The following SYNE1 variants were observed in gnomAD, a reference collection of about 807,000 sequenced individuals.
The protein encoded by SYNE1 is nesprin-1.
Under a neutral mutation model 1,111.0 loss-of-function variants are expected in SYNE1, and 616 were observed. The observed-to-expected ratio is 0.55, with a 90% CI of 0.52 to 0.59. The LOEUF (loss-of-function observed/expected upper bound fraction) is 0.59, where lower values mean the gene tolerates loss of function less well. Among genes scored for constraint, SYNE1 ranks in the 20% least tolerant of loss-of-function variants. The probability of loss-of-function intolerance (pLI) is 0.00; values close to 1 mark genes in which losing one functional copy is unlikely to be tolerated. For synonymous variants in SYNE1, 3,855 were observed against 3,825.8 expected (o/e 1.01, Z -0.28); for missense variants, 10,006 against 10,417.0 (o/e 0.96, Z 1.72).
chr6:152,526,828 G>C (rs866307078), intron 4 of SYNE1, among the ~76,000 whole-genome samples: 5 of 152,168 alleles, frequency 3.3e-5, no homozygotes, highest in South Asian at 2.1e-4. Context: ...AGACCGATCA[G>C]TGCAAATCTA....
chr6:152,445,401 G>T (rs1312176573), intron 29 of SYNE1, among the ~76,000 whole-genome samples: 2 of 151,890 alleles, frequency 1.3e-5, no homozygotes, highest in Non-Finnish European at 1.5e-5. Context: ...GAATTTTCTT[G>T]TCTAATTTCT....
intron 116 of SYNE1, among the ~76,000 whole-genome samples, chr6:152,224,937 A>G (rs1245463568): frequency 4.1e-5 from 6 of 147,476 alleles, no homozygotes; most frequent in African/African-American, 1.5e-4. Context: ...ACATATATAC[A>G]TATGTATACA....
chr6:152,471,583 C>A lies in SYNE1; in HGVS notation c.1632+14G>T. 1 of 1,613,330 alleles carries A rather than the reference C, an allele frequency of 6.2e-7. No homozygotes were observed. Among genetic ancestry groups the A allele is most frequent in the Non-Finnish European group, 8.5e-7 (1 of 1,179,376 alleles). On this transcript the variant is annotated intron_variant, in intron 16 of 145. Coordinates refer to ENST00000367255, the MANE Select transcript of SYNE1 (RefSeq NM_182961.4). ...GGCTCATAGGAATTCTCTGTCAAAG[C>A]ACGGGGGACTCACCACGTAGTTTTG...
At chr6:152,507,298 C>A (rs1265628616) in intron 8 of SYNE1, among the ~76,000 whole-genome samples, 1 of 152,096 alleles carries the variant, frequency 6.6e-6, no homozygotes, top group African/African-American at 2.4e-5. Context: ...AATAAATATT[C>A]ACCATGTAAT....
Position 152,206,162 on chromosome 6 carries a change from A to T in SYNE1, c.23019+6T>A. The stretch of plus-strand genomic sequence containing the variant: ...TTTTGGTTCGTTTTTTTCTAACTGA[A>T]CTTACTTTCAACAAGAAGGCTAGTT... On this transcript the variant is annotated splice_donor_region_variant and intron_variant, in intron 126 of 145. Transcript: ENST00000367255. 1.2e-6 allele frequency: 2 copies of T among 1,613,152 alleles called. No homozygotes were observed. The highest frequency in any genetic ancestry group is 1.7e-6 in the Non-Finnish European group (2 of 1,179,976).
At chr6:152,126,016 AT>A (rs1474137660) in intron 145 of SYNE1, 4 of 152,320 alleles carry the variant, frequency 2.6e-5, no homozygotes, top group Admixed American at 6.5e-5. Flanking sequence ...CATTTACAGA[AT>A]GTGGACTCCT....
intron 123 of SYNE1, 78 bp downstream of exon 123, chr6:152,213,534 C>T: frequency 6.6e-7 from 1 of 1,512,216 alleles, no homozygotes. Context: ...GATTTTAATT[C>T]TCCCACACAG....
rs367972414 is a variant in SYNE1, at chr6:152,136,825, A to C, written c.25459-7T>G. ...CCACAGCTTTCTGGAGCTCCTGAAA[A>C]GAACAAAAAAGACAATCAAACAAGG... On this transcript the variant is annotated splice_polypyrimidine_tract_variant and splice_region_variant and intron_variant, in intron 140 of 145. Coordinates refer to ENST00000367255, the MANE Select transcript of SYNE1 (RefSeq NM_182961.4). 6.8e-6 allele frequency: 11 copies of C among 1,613,766 alleles called. No individual in the cohort carries two copies. The African/African-American group carries it at 1.3e-4, about 20-fold the overall frequency.
At chr6:152,577,363 T>C (rs1250427046) in intron 3 of SYNE1, among the ~76,000 whole-genome samples, 2 of 152,186 alleles carry the variant, frequency 1.3e-5, no homozygotes, top group African/African-American at 4.8e-5. Flanking sequence ...CTGGGCGCGG[T>C]GGCTCGCACC....
At chr6:152,163,946 C>T (rs1234952695) in intron 131 of SYNE1, among the ~76,000 whole-genome samples, 1 of 152,150 alleles carries the variant, frequency 6.6e-6, no homozygotes, top group Non-Finnish European at 1.5e-5. Context: ...ACTAACTGTA[C>T]AATGGCACAA....
At chr6:152,149,280 T>C (rs185513280) in intron 136 of SYNE1, among the ~76,000 whole-genome samples, 197 bp downstream of exon 136, 10 of 152,286 alleles carry the variant, frequency 6.6e-5, no homozygotes, top group Admixed American at 5.2e-4. Context: ...ACTTTCACTT[T>C]TGAGGAAGCT....
In SYNE1 at chr6:152,301,956, C is replaced by T. The variant is rs745941818; in HGVS notation, c.17454G>A (p.Val5818=). The part of the protein sequence containing the change: ...KAKHATMLLT[V]TEVEGLAEGT... ...CTTCCGCCAGCCCCTCGACCTCGGT[C>T]ACCGTCAGCAGCATGGTGGCGTGCT... Residue 5818 remains valine, a synonymous_variant, in exon 92 of 146, where the codon GTG becomes GTA. Transcript: ENST00000367255. 3 of 1,614,252 alleles carry T rather than the reference C, an allele frequency of 1.9e-6. No individual in the cohort carries two copies. In the South Asian group the frequency reaches 3.3e-5, roughly 18 times the overall value.
At chr6:152,366,047 G>C (rs1191598062) in intron 62 of SYNE1, among the ~76,000 whole-genome samples, 1 of 152,040 alleles carries the variant, frequency 6.6e-6, no homozygotes, top group East Asian at 1.9e-4. Flanking sequence ...TAAAAACTTG[G>C]TTTTGCCCGG....
chr6:152,342,580 A>G (rs1416705321), intron 74 of SYNE1, among the ~76,000 whole-genome samples: 1 of 152,224 alleles, frequency 6.6e-6, no homozygotes, highest in African/African-American at 2.4e-5. Context: ...CACATTCTTT[A>G]TGTGGACTCA....
At chr6:152,565,067 T>C (rs1201242081) in intron 3 of SYNE1, among the ~76,000 whole-genome samples, 2 of 152,200 alleles carry the variant, frequency 1.3e-5, no homozygotes, top group Non-Finnish European at 2.9e-5. Context: ...CTTAAGGGAA[T>C]AGAACAGACC....
At chr6:152,424,925 T>C (rs890325977) in intron 39 of SYNE1, among the ~76,000 whole-genome samples, 1 of 152,242 alleles carries the variant, frequency 6.6e-6, no homozygotes, top group Non-Finnish European at 1.5e-5. Flanking sequence ...ACCTAGTTAA[T>C]TAAGATTTAA....
intron 3 of SYNE1, among the ~76,000 whole-genome samples, chr6:152,625,617 C>T (rs1243767324): frequency 6.6e-6 from 1 of 151,964 alleles, no homozygotes; most frequent in Non-Finnish European, 1.5e-5. Flanking sequence ...TGTCAGGTAC[C>T]CTTATGCCAC....
chr6:152,317,292 C>A (rs1243917399), intron 86 of SYNE1, among the ~76,000 whole-genome samples: 1 of 147,646 alleles, frequency 6.8e-6, no homozygotes, highest in Non-Finnish European at 1.5e-5. Context: ...GCAGCTGGAT[C>A]ATGGTTAATT....
At chr6:152,451,617 G>C (rs1290670088) in intron 25 of SYNE1, among the ~76,000 whole-genome samples, 1 of 151,538 alleles carries the variant, frequency 6.6e-6, no homozygotes. Context: ...TGAGTAGCTG[G>C]GACTACAGGC....
Sources: gnomAD v4.1 joint callset for allele counts (sites outside exome capture counted in the v4.1 genomes callset) on GRCh38, gnomAD v4.1.1 for gene constraint, MANE v1.5 for transcripts, NCBI Gene and HGNC (gene_info 2026-07-23, HGNC 2026-07-21) for gene names.